Variants in PPEF1 observed in about 807,000 individuals in gnomAD.
The protein encoded by PPEF1 is serine/threonine-protein phosphatase with EF-hands 1.
In PPEF1, 12 loss-of-function variants were observed where a neutral mutation model predicts 53.3. That is an observed-to-expected ratio of 0.23 (90% CI 0.14 to 0.36). The LOEUF is 0.36. Among genes scored for constraint, PPEF1 ranks in the 10% least tolerant of loss-of-function variants. The probability of loss-of-function intolerance (pLI) is 1.00; values close to 1 mark genes in which losing one functional copy is unlikely to be tolerated. For missense variants in PPEF1, 334 were observed against 490.4 expected (o/e 0.68, Z 3.01); for synonymous variants, 165 against 176.7 (o/e 0.93, Z 0.52).
chrX:18,693,168 C>T (rs1929505024), intron 4 of PPEF1, among the ~76,000 whole-genome samples: 1 of 112,236 alleles, frequency 8.9e-6, no homozygotes, highest in South Asian at 3.7e-4. Flanking sequence ...GACAAAAACT[C>T]GCTACAGTGT....
At chrX:18,785,002 C>T (rs951174270) in intron 9 of PPEF1, among the ~76,000 whole-genome samples, 2 of 111,423 alleles carry the variant, frequency 1.8e-5, no homozygotes, top group African/African-American at 3.3e-5. Flanking sequence ...TAGTGGGAAA[C>T]CTGAACTGTT....
intron 4 of PPEF1, among the ~76,000 whole-genome samples, chrX:18,696,836 G>A (rs1234948422): frequency 9.9e-5 from 11 of 111,300 alleles, no homozygotes; most frequent in Non-Finnish European, 1.9e-5. Context: ...GGGCTTCGAG[G>A]TATCAGGAGC....
chrX:18,706,754 A>G (rs1050113328), upstream of PPEF1, among the ~76,000 whole-genome samples: 2 of 109,506 alleles, frequency 1.8e-5, no homozygotes, highest in Admixed American at 9.7e-5. Context: ...TCAAAAAATA[A>G]AATAAATAAA....
intron 11 of PPEF1, among the ~76,000 whole-genome samples, chrX:18,804,910 A>G (rs2046627631): frequency 1.8e-5 from 2 of 111,891 alleles, no homozygotes; most frequent in African/African-American, 6.5e-5. Context: ...GTGTCTGATC[A>G]AAGGCTAAAA....
Position 18,734,906 on chromosome X carries a change from G to A in PPEF1, c.235+1098G>A, listed in dbSNP as rs184882348. Among the ~76,000 whole-genome samples the A allele has an allele frequency of 8.3e-3, 928 of 112,088 alleles. 4 individuals carry two copies. The highest frequency in any genetic ancestry group is 0.013 in the Non-Finnish European group (717 of 53,193). ...ACGATGAGCATTTTTTCATGTGTCC[G>A]TTGGCTGCATAAATGTCTTCTTTTG... is the stretch of plus-strand genomic sequence containing the variant. On this transcript the variant is annotated intron_variant, in intron 3 of 15. Coordinates refer to ENST00000470157, the MANE Select transcript of PPEF1 (RefSeq NM_001377996.1).
chrX:18,766,574 A>G (rs2045778192), intron 6 of PPEF1, among the ~76,000 whole-genome samples: 1 of 111,909 alleles, frequency 8.9e-6, no homozygotes, highest in Non-Finnish European at 1.9e-5. Flanking sequence ...CACAAATCCA[A>G]TGAACCCTAC....
intron 1 of PPEF1, among the ~76,000 whole-genome samples, chrX:18,714,164 T>C (rs942085354): frequency 1.8e-5 from 2 of 111,685 alleles, no homozygotes; most frequent in Non-Finnish European, 3.8e-5. Context: ...AATCTACATA[T>C]GTTTTATCTA....
intron 4 of PPEF1, among the ~76,000 whole-genome samples, chrX:18,751,999 C>T (rs1361601251): frequency 1.8e-5 from 2 of 111,491 alleles, no homozygotes; most frequent in Non-Finnish European, 3.8e-5. Flanking sequence ...TATTTGGGGT[C>T]CCTTGCAATG....
At chrX:18,812,894 C>A (rs1393599343) in intron 12 of PPEF1, among the ~76,000 whole-genome samples, 2 of 110,086 alleles carry the variant, frequency 1.8e-5, no homozygotes, top group Non-Finnish European at 3.8e-5. Flanking sequence ...TGCACCACCA[C>A]ACCCGGCTAA....
chrX:18,801,014 C>T (rs2046535433), intron 10 of PPEF1, among the ~76,000 whole-genome samples: 1 of 111,883 alleles, frequency 8.9e-6, no homozygotes, highest in South Asian at 3.7e-4. Context: ...GAATTATGTC[C>T]CTAAACATGA....
At chrX:18,706,846 T>TG (rs2044211457), upstream of PPEF1, among the ~76,000 whole-genome samples, 1 of 93,039 alleles carries the variant, frequency 1.1e-5, no homozygotes, top group Non-Finnish European at 2.1e-5. Flanking sequence ...TTTTTTTTTT[T>TG]GAGATGGAGT....
intron 1 of PPEF1, among the ~76,000 whole-genome samples, chrX:18,721,420 T>A (rs754874271): frequency 6.0e-4 from 67 of 112,002 alleles, no homozygotes; most frequent in African/African-American, 2.0e-3. Context: ...GAGTGTTCAG[T>A]TTTGCACATC....
chrX:18,811,343 G>A (rs1400540745), intron 12 of PPEF1, among the ~76,000 whole-genome samples: 1 of 110,148 alleles, frequency 9.1e-6, no homozygotes, highest in African/African-American at 3.3e-5. Context: ...GTGAGCCACC[G>A]CGCCCAGCTT....
intron 6 of PPEF1, among the ~76,000 whole-genome samples, chrX:18,701,524 G>A (rs1274734844): frequency 8.9e-6 from 1 of 112,371 alleles, no homozygotes; most frequent in Non-Finnish European, 1.9e-5. Context: ...TGAGGTACAG[G>A]GGAATTAATG....
At chrX:18,817,994 A>G in intron 12 of PPEF1, 45 bp from the exon 13 acceptor site, 1 of 956,867 alleles carries the variant, frequency 1.0e-6, no homozygotes, top group South Asian at 2.2e-5. Flanking sequence ...GAAACACAAC[A>G]GGATGATTTA....
chrX:18,765,245 G>C (rs914359820), intron 6 of PPEF1, among the ~76,000 whole-genome samples: 1 of 111,225 alleles, frequency 9.0e-6, no homozygotes, highest in Non-Finnish European at 1.9e-5. Flanking sequence ...GTGAGAAGAA[G>C]GTAAAATGCA....
chrX:18,797,229 G>A (rs776565246), intron 10 of PPEF1, among the ~76,000 whole-genome samples: 29 of 111,876 alleles, frequency 2.6e-4, no homozygotes, highest in Non-Finnish European at 5.1e-4. Flanking sequence ...AAACAGAGCT[G>A]ACAATTACTT....
intron 1 of PPEF1, among the ~76,000 whole-genome samples, chrX:18,726,075 G>A (rs913406662): frequency 1.8e-5 from 2 of 111,193 alleles, no homozygotes; most frequent in African/African-American, 3.3e-5. Flanking sequence ...ATGGTGAATG[G>A]CCAGGCGCAG....
intron 9 of PPEF1, among the ~76,000 whole-genome samples, chrX:18,788,064 C>T (rs2046245773): frequency 8.9e-6 from 1 of 111,843 alleles, no homozygotes; most frequent in Non-Finnish European, 1.9e-5. Flanking sequence ...CGCCTGTAAT[C>T]CGAGCACTTT....
Sources: gnomAD v4.1 joint callset for allele counts (sites outside exome capture counted in the v4.1 genomes callset) on GRCh38, gnomAD v4.1.1 for gene constraint, MANE v1.5 for transcripts, NCBI Gene and HGNC (gene_info 2026-07-23, HGNC 2026-07-21) for gene names.